Variants in ADAM17 observed in about 807,000 individuals in gnomAD.
ADAM17 encodes the protein ADAM metallopeptidase domain 17.
Under a neutral mutation model 96.7 loss-of-function variants are expected in ADAM17, and 39 were observed. The ratio of observed to expected loss-of-function variants is 0.40; its 90% CI spans 0.31 to 0.53. The LOEUF is 0.53. Among genes scored for constraint, ADAM17 ranks in the 20% least tolerant of loss-of-function variants. ADAM17 has a pLI of 0.44. For missense variants in ADAM17, 777 were observed against 1,013.2 expected, an observed-to-expected ratio of 0.77 and a Z score of 3.17; for synonymous variants, 344 against 359.2, an observed-to-expected ratio of 0.96 and a Z score of 0.48.
At chr2:9,502,086 C>A in intron 13 of ADAM17, 87 bp downstream of exon 13, 1 of 1,190,926 alleles carries the variant, frequency 8.4e-7, no homozygotes, top group South Asian at 1.4e-5. Context: ...TAAGGTGTCT[C>A]TCATCTGAAC....
At chr2:9,547,796 T>A (rs1052797244) in intron 1 of ADAM17, among the ~76,000 whole-genome samples, 1 of 152,084 alleles carries the variant, frequency 6.6e-6, no homozygotes, top group African/African-American at 2.4e-5. Context: ...ATGCCTGTCA[T>A]CCCAGCACCT....
intron 14 of ADAM17, among the ~76,000 whole-genome samples, chr2:9,495,317 G>C (rs1465215356): frequency 6.6e-6 from 1 of 152,262 alleles, no homozygotes; most frequent in Non-Finnish European, 1.5e-5. Flanking sequence ...GCATCTGTGA[G>C]CCATGTGGGC....
At chr2:9,499,950 A>G (rs1662902217) in intron 13 of ADAM17, among the ~76,000 whole-genome samples, 1 of 152,186 alleles carries the variant, frequency 6.6e-6, no homozygotes, top group African/African-American at 2.4e-5. Context: ...CCCTCATACA[A>G]TGCTGCTGAG....
At position 9,490,495 on chromosome 2, in the gene ADAM17, C is replaced by T; in HGVS notation, c.2157G>A (p.Met719Ile). 5 of 1,613,410 alleles carry T rather than the reference C, an allele frequency of 3.1e-6. No individual in the cohort carries two copies. Among genetic ancestry groups the T allele is most frequent in the Non-Finnish European group, 4.2e-6 (5 of 1,179,444 alleles). ...HPSNVEMLSS[M>I]DSASVRIIKP... is the part of the protein sequence containing the mutation. ...TGATAATGCGAACCGATGCAGAATC[C>T]ATGCTGCTCAGCATTTCGACGTTCT... Residue 719 changes from methionine to isoleucine, a missense_variant, in exon 19 of 19, where the codon ATG (methionine) becomes ATA (isoleucine). By Grantham distance (10) the Met-to-Ile change is conservative. Transcript: ENST00000310823.
intron 1 of ADAM17, among the ~76,000 whole-genome samples, chr2:9,548,491 A>C (rs2125044279): frequency 6.6e-6 from 1 of 152,256 alleles, no homozygotes. Context: ...TTAAAAAAAA[A>C]AAAAAGAAAA....
In ADAM17 at chr2:9,497,230, G is replaced by T; in HGVS notation, c.1667C>A (p.Pro556Gln). 6.2e-7 allele frequency: 1 copy of T among 1,614,082 alleles called. No individual in the cohort carries two copies. Among genetic ancestry groups the T allele is most frequent in the Non-Finnish European group, 8.5e-7 (1 of 1,180,004 alleles). ...GTCATCTTCAGCATTTCCTGGAGGCGGGCACTCACTGCTATTACCTGGAAG... is the reference window on the plus strand; with the variant it reads ...GTCATCTTCAGCATTTCCTGGAGGCTGGCACTCACTGCTATTACCTGGAAG... ...SYCTGNSSEC[P>Q]PPGNAEDDTV... Residue 556 changes from proline to glutamine, a missense_variant, in exon 14 of 19, where the codon CCG becomes CAG. By Grantham distance (76) the Pro-to-Gln change is moderately conservative. Around this residue, in one of 3 missense-constraint regions of ADAM17, gnomAD observed 446 missense variants for 664.7 expected, o/e 0.67. Transcript: ENST00000310823.
chr2:9,509,787 G>C (rs1485463591), intron 11 of ADAM17, among the ~76,000 whole-genome samples, 192 bp downstream of exon 11: 1 of 152,130 alleles, frequency 6.6e-6, no homozygotes, highest in Non-Finnish European at 1.5e-5. Context: ...AAGTCCAAAT[G>C]ATAGTTTTAA....
chr2:9,554,544 T>C (rs1349791993), intron 1 of ADAM17, among the ~76,000 whole-genome samples: 3 of 152,168 alleles, frequency 2.0e-5, no homozygotes, highest in Admixed American at 6.5e-5. Context: ...ATACTACACA[T>C]GGTATCATGG....
At chr2:9,490,701 T>G (rs892295318) in intron 18 of ADAM17, among the ~76,000 whole-genome samples, 183 bp from the exon 19 acceptor site, 1 of 152,188 alleles carries the variant, frequency 6.6e-6, no homozygotes, top group African/African-American at 2.4e-5. Flanking sequence ...GCAAAAGTAA[T>G]TAATGCCATT....
At chr2:9,492,589 C>A (rs12473402) in intron 17 of ADAM17, among the ~76,000 whole-genome samples, 77,180 of 152,010 alleles carry the variant, frequency 0.51, 20,544 homozygotes, top group Middle Eastern at 0.67. Context: ...AAATGCTCTT[C>A]AATAAGGGCT....
chr2:9,524,039 C>CTT (rs879273840), intron 6 of ADAM17, among the ~76,000 whole-genome samples: 12 of 140,472 alleles, frequency 8.5e-5, no homozygotes, highest in Middle Eastern at 3.7e-3. Context: ...CCATGCCGGG[C>CTT]TTTTTTTTTT....
chr2:9,550,577 C>T (rs747621129), intron 1 of ADAM17, among the ~76,000 whole-genome samples: 2 of 151,182 alleles, frequency 1.3e-5, no homozygotes, highest in Non-Finnish European at 2.9e-5. Flanking sequence ...TCCCCAGTAG[C>T]TGGGATTACA....
intron 14 of ADAM17, 85 bp downstream of exon 14, chr2:9,497,029 G>C (rs1016864443): frequency 3.9e-6 from 6 of 1,551,814 alleles, no homozygotes; most frequent in African/African-American, 1.4e-5. Flanking sequence ...GCTGTCATTC[G>C]CACAACCTCC....
chr2:9,549,630 C>G (rs1371874859), intron 1 of ADAM17, among the ~76,000 whole-genome samples: 1 of 152,074 alleles, frequency 6.6e-6, no homozygotes, highest in Non-Finnish European at 1.5e-5. Flanking sequence ...TGGGCATGAG[C>G]AATCCTCCGG....
intron 4 of ADAM17, among the ~76,000 whole-genome samples, chr2:9,529,569 G>A (rs1164541128): frequency 6.6e-6 from 1 of 152,172 alleles, no homozygotes; most frequent in Non-Finnish European, 1.5e-5. Flanking sequence ...CTAGAGCTGG[G>A]GGAGTTAGGG....
At chr2:9,528,410 A>C (rs987359423) in intron 4 of ADAM17, among the ~76,000 whole-genome samples, 2 of 152,154 alleles carry the variant, frequency 1.3e-5, no homozygotes, top group Admixed American at 1.3e-4. Context: ...CCTTTTTGCC[A>C]CGTTAGGTTT....
chr2:9,555,118 G>A (rs1414254020), intron 1 of ADAM17, among the ~76,000 whole-genome samples: 1 of 151,898 alleles, frequency 6.6e-6, no homozygotes, highest in Non-Finnish European at 1.5e-5. Flanking sequence ...TTCCTTTCTG[G>A]CTCTGGTAGG....
intron 6 of ADAM17, among the ~76,000 whole-genome samples, chr2:9,524,036 G>A (rs993034677): frequency 4.7e-5 from 7 of 148,056 alleles, no homozygotes; most frequent in South Asian, 2.1e-4. Flanking sequence ...CCACCATGCC[G>A]GGCTTTTTTT....
At position 9,555,542 on chromosome 2, in the gene ADAM17, C is replaced by A. The variant is rs146033784; in HGVS notation, c.64G>T (p.Asp22Tyr). 131 of 1,603,622 alleles carry A rather than the reference C, an allele frequency of 8.2e-5. No individual in the cohort carries two copies. Among genetic ancestry groups the A allele is most frequent in the Non-Finnish European group, 9.8e-5 (115 of 1,175,126 alleles). Residue 22 changes from aspartate to tyrosine, a missense_variant, in exon 1 of 19, where the codon GAT (aspartate) becomes TAT (tyrosine). Transcript: ENST00000310823. ...TGGTGGGGGCCGAAGCCCGGGTCAT[C>A]CGGAGGTCGCGGCGCCAGCACGAAA... Reference protein sequence around the residue: ...VPFVLAPRPPDDPGFGPHQRL... With the variant: ...VPFVLAPRPPYDPGFGPHQRL...
Sources: gnomAD v4.1 joint callset for allele counts (sites outside exome capture counted in the v4.1 genomes callset) on GRCh38, gnomAD v4.1.1 for gene constraint, gnomAD v4.1.1 regional missense constraint, MANE v1.5 for transcripts, NCBI Gene and HGNC (gene_info 2026-07-23, HGNC 2026-07-21) for gene names.